The following DLG2 variants were observed in gnomAD, a reference collection of about 807,000 sequenced individuals.
DLG2 encodes the protein disks large homolog 2.
A neutral mutation model predicts 132.5 loss-of-function variants in DLG2; 45 were observed. That is an observed-to-expected ratio of 0.34 (90% CI 0.27 to 0.44). The LOEUF (loss-of-function observed/expected upper bound fraction) is 0.44, where lower values mean the gene tolerates loss of function less well. Among genes scored for constraint, DLG2 ranks in the 20% least tolerant of loss-of-function variants. The probability of loss-of-function intolerance (pLI) is 1.00; values close to 1 mark genes in which losing one functional copy is unlikely to be tolerated. For missense variants in DLG2, 1,045 were observed against 1,196.9 expected, an observed-to-expected ratio of 0.87 and a Z score of 1.87; for synonymous variants, 424 against 419.6, an observed-to-expected ratio of 1.01 and a Z score of -0.13.
At chr11:85,392,178 C>T (rs1249252583) in intron 3 of DLG2, among the ~76,000 whole-genome samples, 1 of 151,972 alleles carries the variant, frequency 6.6e-6, no homozygotes, top group Non-Finnish European at 1.5e-5. Flanking sequence ...GAACTCAACC[C>T]CTTTTACAAT....
At chr11:85,021,989 C>T (rs550854590) in intron 6 of DLG2, among the ~76,000 whole-genome samples, 42 of 152,138 alleles carry the variant, frequency 2.8e-4, no homozygotes, top group African/African-American at 8.2e-4. Flanking sequence ...GAAACTAAAA[C>T]TAGCTTTAAA....
chr11:83,821,311 G>C (rs1416028663), intron 17 of DLG2, among the ~76,000 whole-genome samples: 1 of 152,208 alleles, frequency 6.6e-6, no homozygotes, highest in Non-Finnish European at 1.5e-5. Context: ...ACTTATGTCA[G>C]CTGTTGAGAG....
At chr11:84,021,447 T>C (rs1334539322) in intron 11 of DLG2, among the ~76,000 whole-genome samples, 1 of 152,168 alleles carries the variant, frequency 6.6e-6, no homozygotes, top group Admixed American at 6.5e-5. Flanking sequence ...ACCCTGGTTG[T>C]GCTGCTGCAG....
At chr11:83,466,852 T>G in intron 25 of DLG2, 35 bp from the exon 26 acceptor site, 1 of 1,419,376 alleles carries the variant, frequency 7.0e-7, no homozygotes, top group Non-Finnish European at 1.0e-6. Context: ...GAAGTTAATA[T>G]AGGAAGCATG....
At chr11:85,404,054 G>C (rs2088474202) in intron 3 of DLG2, among the ~76,000 whole-genome samples, 1 of 151,998 alleles carries the variant, frequency 6.6e-6, no homozygotes, top group Non-Finnish European at 1.5e-5. Flanking sequence ...TTGCAGAGTA[G>C]AGGGAAACTT....
chr11:85,621,128 G>C (rs1425138848), intron 2 of DLG2, among the ~76,000 whole-genome samples: 1 of 151,834 alleles, frequency 6.6e-6, no homozygotes, highest in African/African-American at 2.4e-5. Context: ...TGCTCTAAAA[G>C]TAGGTCAACA....
intron 21 of DLG2, among the ~76,000 whole-genome samples, chr11:83,525,532 C>T (rs2095585909): frequency 6.6e-6 from 1 of 152,096 alleles, no homozygotes; most frequent in African/African-American, 2.4e-5. Flanking sequence ...GAAAGGTGAG[C>T]CAGGAAGACC....
intron 3 of DLG2, among the ~76,000 whole-genome samples, chr11:85,543,714 G>A (rs1396509087): frequency 2.6e-5 from 4 of 152,142 alleles, no homozygotes; most frequent in Admixed American, 2.6e-4. Context: ...TTGTGGTTTT[G>A]ATTTACATTT....
At chr11:84,230,519 T>A (rs143072479) in intron 8 of DLG2, among the ~76,000 whole-genome samples, 9 of 152,326 alleles carry the variant, frequency 5.9e-5, no homozygotes, top group Non-Finnish European at 1.0e-4. Flanking sequence ...CAAGAATGCA[T>A]TGAGTAGCTG....
intron 6 of DLG2, among the ~76,000 whole-genome samples, chr11:84,697,866 G>A (rs899875345): frequency 2.6e-5 from 4 of 151,142 alleles, no homozygotes; most frequent in Non-Finnish European, 5.9e-5. Context: ...CAGCTAGATG[G>A]ACCTAGCACC....
intron 7 of DLG2, among the ~76,000 whole-genome samples, chr11:84,285,417 C>T (rs924356360): frequency 6.6e-6 from 1 of 152,182 alleles, no homozygotes; most frequent in African/African-American, 2.4e-5. Flanking sequence ...CACAGGCCCT[C>T]TTCCATTATT....
intron 5 of DLG2, among the ~76,000 whole-genome samples, chr11:85,122,957 A>ATATTATATATATATATTATATATAT (rs796425259): frequency 4.1e-4 from 18 of 44,186 alleles, no homozygotes; most frequent in East Asian, 1.2e-3. Flanking sequence ...TATTATATAT[A>ATATTATATATATATATTATATATAT]TATATATATA....
intron 11 of DLG2, among the ~76,000 whole-genome samples, chr11:83,991,926 G>A (rs745445443): frequency 6.6e-6 from 1 of 152,118 alleles, no homozygotes; most frequent in African/African-American, 2.4e-5. Flanking sequence ...TAGGATTAGG[G>A]TCCATTGATT....
intron 19 of DLG2, among the ~76,000 whole-genome samples, chr11:83,614,786 C>T (rs917005591): frequency 2.6e-5 from 4 of 152,188 alleles, no homozygotes; most frequent in African/African-American, 9.6e-5. Flanking sequence ...ATTTATGCAA[C>T]TTTCTGTTTG....
intron 6 of DLG2, among the ~76,000 whole-genome samples, chr11:84,802,181 A>G (rs2075472641): frequency 6.6e-6 from 1 of 151,856 alleles, no homozygotes; most frequent in Admixed American, 6.6e-5. Context: ...TAGGTTTCTC[A>G]TGTACTAATT....
At chr11:84,573,027 T>C (rs2099489476) in intron 6 of DLG2, among the ~76,000 whole-genome samples, 1 of 152,182 alleles carries the variant, frequency 6.6e-6, no homozygotes, top group African/African-American at 2.4e-5. Flanking sequence ...GCTAACTCTT[T>C]AGCTTACAAA....
chr11:83,558,481 CTG>C (rs2096556688), intron 19 of DLG2, among the ~76,000 whole-genome samples: 1 of 152,114 alleles, frequency 6.6e-6, no homozygotes, highest in Non-Finnish European at 1.5e-5. Flanking sequence ...AGGAAACTAA[CTG>C]TTATTGAATG....
intron 3 of DLG2, among the ~76,000 whole-genome samples, chr11:85,400,598 A>G (rs1448252780): frequency 6.9e-6 from 1 of 145,616 alleles, no homozygotes; most frequent in Non-Finnish European, 1.5e-5. Flanking sequence ...AATACTATGC[A>G]GCCATAAAAA....
intron 15 of DLG2, among the ~76,000 whole-genome samples, chr11:83,882,330 T>C (rs555439658): frequency 5.3e-5 from 8 of 152,344 alleles, no homozygotes; most frequent in African/African-American, 1.4e-4. Flanking sequence ...GGATGACTTA[T>C]AGAAATGCAA....
Sources: gnomAD v4.1 joint callset for allele counts (sites outside exome capture counted in the v4.1 genomes callset) on GRCh38, gnomAD v4.1.1 for gene constraint, MANE v1.5 for transcripts, NCBI Gene and HGNC (gene_info 2026-07-23, HGNC 2026-07-21) for gene names.